SLC35D1: variants seen among roughly 807,000 people sequenced by gnomAD.
SLC35D1 encodes the protein nucleotide sugar transporter SLC35D1.
In SLC35D1, 31 loss-of-function variants were observed where a neutral mutation model predicts 46.7. That is an observed-to-expected ratio of 0.66 (90% CI 0.50 to 0.90). The LOEUF is 0.90. Ranked by LOEUF, SLC35D1 falls within the 40% of genes least tolerant of loss-of-function variation. The pLI is 0.00. For missense variants in SLC35D1, 397 were observed against 426.2 expected, an observed-to-expected ratio of 0.93 and a Z score of 0.60; for synonymous variants, 195 against 164.6, an observed-to-expected ratio of 1.18 and a Z score of -1.41.
chr1:67,008,833 C>T (rs190117187), intron 11 of SLC35D1, among the ~76,000 whole-genome samples: 70 of 152,114 alleles, frequency 4.6e-4, no homozygotes, highest in African/African-American at 1.5e-3. Context: ...GTCTCAAACT[C>T]CTGGGCTCAA....
chr1:67,016,754 G>A (rs1290339846), intron 10 of SLC35D1, among the ~76,000 whole-genome samples: 1 of 151,950 alleles, frequency 6.6e-6, no homozygotes, highest in Non-Finnish European at 1.5e-5. Context: ...ATTTAGATAA[G>A]TTCAATACAC....
the SLC35D1 span, among the ~76,000 whole-genome samples, chr1:66,978,433 A>G: frequency 2.0e-5 from 3 of 152,152 alleles, no homozygotes; most frequent in African/African-American, 7.2e-5. Context: ...CCATTATTCA[A>G]AGCTGGTGAT....
At chr1:67,038,856 C>T (rs1668179462) in intron 8 of SLC35D1, among the ~76,000 whole-genome samples, 1 of 152,140 alleles carries the variant, frequency 6.6e-6, no homozygotes, top group Non-Finnish European at 1.5e-5. Context: ...CACACACAAA[C>T]ACACACACAA....
At chr1:67,009,687 G>A (rs940973482) in intron 10 of SLC35D1, among the ~76,000 whole-genome samples, 4 of 54,196 alleles carry the variant, frequency 7.4e-5, no homozygotes, top group African/African-American at 4.4e-4. Flanking sequence ...AGCAACAGAT[G>A]TTGGCGAGGT....
At chr1:66,987,020 C>G in the SLC35D1 span, 3 of 152,288 alleles carry the variant, frequency 2.0e-5, no homozygotes, top group South Asian at 6.2e-4. Flanking sequence ...CAAACTCTTA[C>G]TACAGAAATG....
At chr1:67,024,497 G>C (rs565132265) in intron 8 of SLC35D1, among the ~76,000 whole-genome samples, 1 of 152,246 alleles carries the variant, frequency 6.6e-6, no homozygotes, top group African/African-American at 2.4e-5. Context: ...AAACTGAGTA[G>C]CTTAAATGGC....
chr1:67,042,223 T>TAGA lies in SLC35D1; in HGVS notation c.729+10_729+12dup, dbSNP rs761817636. On this transcript the variant is annotated intron_variant, in intron 8 of 11. Transcript: ENST00000235345. The stretch of plus-strand genomic sequence containing the variant: ...TCAACGTAAGCCATTAAACCGTAAT[T>TAGA]AGAAAGTCCTACCTTTTGTGCATCT... The TAGA allele has an allele frequency of 1.9e-6, 3 of 1,609,292 alleles. No homozygotes were observed. The highest frequency in any genetic ancestry group is 2.6e-6 in the Non-Finnish European group (3 of 1,175,606).
At chr1:67,026,624 C>T (rs1667919380) in intron 8 of SLC35D1, among the ~76,000 whole-genome samples, 1 of 152,094 alleles carries the variant, frequency 6.6e-6, no homozygotes, top group South Asian at 2.1e-4. Flanking sequence ...AATTCAATTT[C>T]TTTAACATAA....
chr1:66,981,076 AAC>A, the SLC35D1 span, among the ~76,000 whole-genome samples: 3 of 119,756 alleles, frequency 2.5e-5, no homozygotes, highest in Non-Finnish European at 4.9e-5. Flanking sequence ...ATAATACAAT[AAC>A]CATGTGTGTT....
At position 67,021,580 on chromosome 1, in the gene SLC35D1, G is replaced by A. The variant is rs368326325; in HGVS notation, c.752C>T (p.Ala251Val). Residue 251 changes from alanine to valine, a missense_variant, in exon 9 of 12, where the codon GCT becomes GTT. Coordinates refer to ENST00000235345, the MANE Select transcript of SLC35D1 (RefSeq NM_015139.3). Reference sequence around the variant, plus strand: ...GAACTGCAGAAGAAAGAGGGTGTCAGCCCAGCCTTCAAACTCCACAGCCTG... The same window carrying A: ...GAACTGCAGAAGAAAGAGGGTGTCAACCCAGCCTTCAAACTCCACAGCCTG... ...AQKAVEFEGW[A>V]DTLFLLQFTL... is the part of the protein sequence containing the mutation. The A allele has an allele frequency of 5.6e-6, 9 of 1,613,972 alleles. No individual in the cohort carries two copies. The highest frequency in any genetic ancestry group is 2.2e-5 in the South Asian group (2 of 91,074).
the SLC35D1 span, among the ~76,000 whole-genome samples, chr1:66,991,932 T>C: frequency 6.6e-6 from 1 of 152,058 alleles, no homozygotes; most frequent in Non-Finnish European, 1.5e-5. Context: ...ATCTGTAAAA[T>C]AAGGATGATA....
the SLC35D1 span, chr1:66,981,725 TAATTTTTA>T: frequency 1.4e-6 from 2 of 1,436,080 alleles, no homozygotes; most frequent in Non-Finnish European, 1.9e-6. Context: ...TAACCTCAAC[TAATTTTTA>T]ATTTTCAGCT....
intron 10 of SLC35D1, among the ~76,000 whole-genome samples, chr1:67,012,058 A>G (rs556393607): frequency 6.6e-6 from 1 of 152,320 alleles, no homozygotes; most frequent in Admixed American, 6.5e-5. Context: ...ATCTGGGGGC[A>G]TGATTTTTGA....
At chr1:67,047,478 T>C in intron 6 of SLC35D1, 111 bp from the exon 7 acceptor site, 2 of 941,590 alleles carry the variant, frequency 2.1e-6, no homozygotes, top group Non-Finnish European at 3.3e-6. Context: ...GGGAAGTGAA[T>C]ATTAGGCATT....
intron 10 of SLC35D1, among the ~76,000 whole-genome samples, chr1:67,020,165 G>T (rs944129849): frequency 6.6e-6 from 1 of 152,118 alleles, no homozygotes. Context: ...ATGCTCTTCA[G>T]AGCTAAGCTG....
chr1:66,986,307 A>C, the SLC35D1 span: 1 of 1,506,578 alleles, frequency 6.6e-7, no homozygotes, highest in Non-Finnish European at 8.8e-7. Flanking sequence ...TTTTAGTGCT[A>C]AATTCTTGTT....
At position 67,031,797 on chromosome 1, in the gene SLC35D1, T is replaced by C. The variant is rs72673774; in HGVS notation, c.730-10195A>G. Among the ~76,000 whole-genome samples the C allele has an allele frequency of 5.6e-3, 854 of 152,306 alleles. 3 individuals carry two copies. The highest frequency in any genetic ancestry group is 0.02 in the Middle Eastern group (6 of 294). ...GACTAAAATGCAGTCACTTTAAATG[T>C]AGACAGAATTTACATACAGAAGAAA... On this transcript the variant is annotated intron_variant, in intron 8 of 11. Transcript: ENST00000235345.
chr1:66,976,932 G>T, the SLC35D1 span, among the ~76,000 whole-genome samples: 1 of 152,052 alleles, frequency 6.6e-6, no homozygotes, highest in Admixed American at 6.6e-5. Context: ...ACTTTTCAGT[G>T]TCTTATGAAA....
Position 67,035,805 on chromosome 1 carries a change from C to CTT in SLC35D1, c.729+6429_729+6430dup, listed in dbSNP as rs71058492. ...ATTAGGTTGTTTATTTGAAGTTTTT[C>CTT]TTTTTTTTTTTTTTTTGATGTAGGC... On this transcript the variant is annotated intron_variant, in intron 8 of 11. Coordinates refer to ENST00000235345, the MANE Select transcript of SLC35D1 (RefSeq NM_015139.3). Among the ~76,000 whole-genome samples the CTT allele has an allele frequency of 1.6e-3, 217 of 133,346 alleles. 1 individual carries two copies. The highest frequency in any genetic ancestry group is 2.4e-3 in the African/African-American group (88 of 35,934). The allele number at this position is 133,346 out of a possible 152,430, so 87.5% of individuals were successfully genotyped here.
Sources: gnomAD v4.1 joint callset for allele counts (sites outside exome capture counted in the v4.1 genomes callset) on GRCh38, gnomAD v4.1.1 for gene constraint, MANE v1.5 for transcripts, NCBI Gene and HGNC (gene_info 2026-07-23, HGNC 2026-07-21) for gene names.